Variants in AGAP1 observed in about 807,000 individuals in gnomAD.
AGAP1 encodes the protein arf-GAP with GTPase, ANK repeat and PH domain-containing protein 1.
AGAP1 carries 29 observed loss-of-function variants against 105.3 expected under a neutral mutation model. The ratio of observed to expected loss-of-function variants is 0.28; its 90% CI spans 0.21 to 0.38. The LOEUF (loss-of-function observed/expected upper bound fraction) is 0.38. AGAP1 is among the 10% of genes least tolerant of loss of function. AGAP1 has a pLI of 1.00. For synonymous variants in AGAP1, 509 were observed against 485.9 expected (o/e 1.05, Z -0.63); for missense variants, 998 against 1,165.1 (o/e 0.86, Z 2.09).
At chr2:235,702,164 G>C (rs568583661) in intron 1 of AGAP1, among the ~76,000 whole-genome samples, 37 of 152,148 alleles carry the variant, frequency 2.4e-4, no homozygotes, top group Non-Finnish European at 4.0e-4. Flanking sequence ...GGGGGTGAAC[G>C]TGACACGGGA....
rs144831028 is a variant in AGAP1, at chr2:235,851,597, G to A, written c.1051-31748G>A. On this transcript the variant is annotated intron_variant, in intron 9 of 17. Transcript: ENST00000304032. ...CTTGGAGTGTTTGCAGCCGGCGAGC[G>A]CCAGGATGCCCGCGGCAGCATACTC... Among the ~76,000 whole-genome samples the A allele has an allele frequency of 1.8e-3, 272 of 152,154 alleles. 1 individual carries two copies. The highest frequency in any genetic ancestry group is 5.4e-3 in the African/African-American group (226 of 41,514).
In AGAP1 at chr2:235,657,387, A is replaced by G. The variant is rs144489208; in HGVS notation, c.164-51792A>G. On this transcript the variant is annotated intron_variant, in intron 1 of 17. Coordinates refer to ENST00000304032, the MANE Select transcript of AGAP1 (RefSeq NM_001037131.3). ...AATAAGTGATGTTGTTGTTGTTGTTATTATTATTTGAGGTGGAGTTTCCCT... is the reference window on the plus strand; with the variant it reads ...AATAAGTGATGTTGTTGTTGTTGTTGTTATTATTTGAGGTGGAGTTTCCCT... Among the ~76,000 whole-genome samples, 803 of 152,102 alleles carry G rather than the reference A, an allele frequency of 5.3e-3. 6 individuals carry two copies. The highest frequency in any genetic ancestry group is 0.015 in the African/African-American group (626 of 41,516).
In AGAP1 at chr2:235,989,269, C is replaced by T. The variant is rs984812664; in HGVS notation, c.1645+20646C>T. Reference sequence around the variant, plus strand: ...TATTGACCAGGTACTGTGTAGAGGTCGCTGCTGCGTGTGGCTTCACCCAGC... The same window carrying T: ...TATTGACCAGGTACTGTGTAGAGGTTGCTGCTGCGTGTGGCTTCACCCAGC... On this transcript the variant is annotated intron_variant, in intron 13 of 17. Coordinates refer to ENST00000304032, the MANE Select transcript of AGAP1 (RefSeq NM_001037131.3). The surrounding 1 kb of genome is among the most constrained non-coding windows in gnomAD (Gnocchi z 4.4). 3.3e-5 allele frequency among the ~76,000 whole-genome samples: 5 copies of T among 152,150 alleles called. No homozygotes were observed. Among genetic ancestry groups the T allele is most frequent in the African/African-American group, 7.2e-5 (3 of 41,426 alleles).
Position 235,825,621 on chromosome 2 carries a change from C to G in AGAP1, c.1050+18290C>G, listed in dbSNP as rs189027297. Among the ~76,000 whole-genome samples the G allele has an allele frequency of 2.7e-3, 404 of 152,240 alleles. 2 individuals are homozygous for G. The highest frequency in any genetic ancestry group is 6.8e-3 in the South Asian group (33 of 4,824). ...AGGTGAAGCAGAAAAATGTATCCAGCAAAGTCTTCATTAAAAAGCTTAAGA... is the reference window on the plus strand; with the variant it reads ...AGGTGAAGCAGAAAAATGTATCCAGGAAAGTCTTCATTAAAAAGCTTAAGA... On this transcript the variant is annotated intron_variant, in intron 9 of 17. Transcript: ENST00000304032.
intron 1 of AGAP1, among the ~76,000 whole-genome samples, chr2:235,511,826 ATG>A (rs1290244255): frequency 2.6e-5 from 4 of 151,500 alleles, no homozygotes; most frequent in South Asian, 4.2e-4. Flanking sequence ...GTGTGTGTGA[ATG>A]TGTGTGTGAA....
intron 1 of AGAP1, among the ~76,000 whole-genome samples, chr2:235,629,714 TA>T (rs71064865): frequency 0.21 from 30,064 of 140,558 alleles, 3,255 homozygotes; most frequent in African/African-American, 0.26. Flanking sequence ...ACAATAAATG[TA>T]AAAAAAAAAA....
chr2:235,550,920 G>C lies in AGAP1; in HGVS notation c.163+56071G>C, dbSNP rs538094241. Among the ~76,000 whole-genome samples, 2 of 152,106 alleles carry C rather than the reference G, an allele frequency of 1.3e-5. No individual in the cohort carries two copies. The highest frequency in any genetic ancestry group is 4.8e-5 in the African/African-American group (2 of 41,502). ...CTCCTGAGTAGCTGGGACTACAGGC[G>C]TGCACCACCACACCCAGCTAATTTT... On this transcript the variant is annotated intron_variant, in intron 1 of 17. Coordinates refer to ENST00000304032, the MANE Select transcript of AGAP1 (RefSeq NM_001037131.3). The surrounding 1 kb of genome is among the most constrained non-coding windows in gnomAD (Gnocchi z 4.6).
At chr2:236,028,392 C>G (rs748235017) in intron 13 of AGAP1, among the ~76,000 whole-genome samples, 9 of 152,130 alleles carry the variant, frequency 5.9e-5, no homozygotes, top group African/African-American at 9.7e-5. Flanking sequence ...CTGCGGATAC[C>G]AAGTGGTCCT....
At chr2:235,495,288 C>T (rs1239392354) in intron 1 of AGAP1, among the ~76,000 whole-genome samples, 1 of 152,218 alleles carries the variant, frequency 6.6e-6, no homozygotes, top group African/African-American at 2.4e-5. Flanking sequence ...AGGCCCGGGC[C>T]GGCGTGTTTG....
At chr2:235,778,877 G>A (rs12470717) in intron 6 of AGAP1, among the ~76,000 whole-genome samples, 35,798 of 152,166 alleles carry the variant, frequency 0.24, 4,875 homozygotes, top group Admixed American at 0.39. Flanking sequence ...CTGCATCTCT[G>A]TGGCCTCTCC....
rs1262298662 is a variant in AGAP1 at position 235,888,424 on chromosome 2, G to T, written c.1155+4975G>T. On this transcript the variant is annotated intron_variant, in intron 10 of 17. Coordinates refer to ENST00000304032, the MANE Select transcript of AGAP1 (RefSeq NM_001037131.3). The surrounding 1 kb of genome is among the most constrained non-coding windows in gnomAD (Gnocchi z 4.8). ...GCTGCTCCACACAGCTCCTGCATTA[G>T]TCAACCAAATTAAATTCCCAGGCGA... Among the ~76,000 whole-genome samples the T allele has an allele frequency of 6.6e-6, 1 of 152,076 alleles. No individual in the cohort carries two copies. The highest frequency in any genetic ancestry group is 1.9e-4 in the East Asian group (1 of 5,166).
At position 235,664,783 on chromosome 2, in the gene AGAP1, C is replaced by G. The variant is rs921406987; in HGVS notation, c.164-44396C>G. Among the ~76,000 whole-genome samples, 1 of 152,124 alleles carries G rather than the reference C, an allele frequency of 6.6e-6. No individual in the cohort carries two copies. Among genetic ancestry groups the G allele is most frequent in the African/African-American group, 2.4e-5 (1 of 41,426 alleles). ...TCCTCATGCATGGGTAGAACTAAAG[C>G]CTCTTCTTCTGTAATGTGGCAGTTC... On this transcript the variant is annotated intron_variant, in intron 1 of 17. Transcript: ENST00000304032. This position sits in a 1 kb window ranked among gnomAD's most constrained non-coding sequence, Gnocchi z 5.7.
chr2:235,766,411 G>A (rs1003785629), intron 6 of AGAP1, among the ~76,000 whole-genome samples: 4 of 152,114 alleles, frequency 2.6e-5, no homozygotes, highest in African/African-American at 9.7e-5. Flanking sequence ...TTGAAAGCGC[G>A]TCTAAGGATT....
intron 1 of AGAP1, among the ~76,000 whole-genome samples, chr2:235,603,439 A>G (rs1945806947): frequency 6.6e-6 from 1 of 152,246 alleles, no homozygotes; most frequent in Non-Finnish European, 1.5e-5. Context: ...GAGCTCCCAG[A>G]GTGCACAGAT....
At chr2:235,638,249 G>T (rs189406631) in intron 1 of AGAP1, among the ~76,000 whole-genome samples, 1 of 152,140 alleles carries the variant, frequency 6.6e-6, no homozygotes, top group Non-Finnish European at 1.5e-5. Flanking sequence ...TGTATCCTGG[G>T]CTATAAGGTA....
chr2:235,688,107 G>T (rs1039545227), intron 1 of AGAP1, among the ~76,000 whole-genome samples: 11 of 151,990 alleles, frequency 7.2e-5, no homozygotes, highest in Admixed American at 7.2e-4. Context: ...TCACCATGCT[G>T]GCCAGGCTGG....
chr2:236,013,744 A>C (rs1466939692), intron 13 of AGAP1, among the ~76,000 whole-genome samples: 1 of 152,196 alleles, frequency 6.6e-6, no homozygotes, highest in Non-Finnish European at 1.5e-5. Context: ...AGTGACCGCC[A>C]CTAAACATTC....
chr2:235,786,360 A>G (rs868457253), intron 6 of AGAP1, among the ~76,000 whole-genome samples: 2 of 152,216 alleles, frequency 1.3e-5, no homozygotes, highest in Admixed American at 6.5e-5. Flanking sequence ...AACCTGTATC[A>G]TGAGGAGAAT....
At chr2:235,654,927 T>G (rs1470765576) in intron 1 of AGAP1, among the ~76,000 whole-genome samples, 1 of 152,226 alleles carries the variant, frequency 6.6e-6, no homozygotes, top group Non-Finnish European at 1.5e-5. Context: ...TCAATCCCTG[T>G]GTTGTCTTTG....
Sources: allele counts gnomAD v4.1 joint callset (sites outside exome capture counted in the v4.1 genomes callset), GRCh38; gene constraint gnomAD v4.1.1; non-coding constraint Gnocchi (gnomAD v3.1); transcripts MANE v1.5; gene names NCBI Gene and HGNC (gene_info 2026-07-23, HGNC 2026-07-21).